The following NALF1 variants were observed in gnomAD, a reference collection of about 807,000 sequenced individuals.
NALF1 encodes NALCN channel auxiliary factor 1.
NALF1 carries 3 observed loss-of-function variants against 48.4 expected under a neutral mutation model. The observed-to-expected ratio is 0.06, with a 90% CI of 0.03 to 0.16. The LOEUF (loss-of-function observed/expected upper bound fraction) is 0.16, where lower values mean the gene tolerates loss of function less well. Ranked by LOEUF, NALF1 falls within the 10% of genes least tolerant of loss-of-function variation. NALF1 has a pLI of 1.00. For synonymous variants in NALF1, 262 were observed against 245.7 expected (o/e 1.07, Z -0.62); for missense variants, 526 against 571.5 (o/e 0.92, Z 0.81).
At chr13:107,828,606 TACACACACACACAC>T (rs60869824) in intron 1 of NALF1, among the ~76,000 whole-genome samples, 150 of 104,004 alleles carry the variant, frequency 1.4e-3, no homozygotes, top group African/African-American at 3.5e-3. Context: ...TCTATATCTA[TACACACACACACAC>T]ACACACACAC....
intron 1 of NALF1, among the ~76,000 whole-genome samples, chr13:107,637,799 G>A (rs1438368909): frequency 1.3e-5 from 2 of 152,130 alleles, no homozygotes; most frequent in East Asian, 3.9e-4. Context: ...AAGAAACTGA[G>A]TAATGATCTA....
intron 1 of NALF1, among the ~76,000 whole-genome samples, chr13:107,802,202 G>T (rs1566487554): frequency 6.6e-6 from 1 of 152,080 alleles, no homozygotes; most frequent in Non-Finnish European, 1.5e-5. Context: ...ATTTCAATTT[G>T]TAAGACTCTC....
At chr13:107,738,126 C>T (rs1456457938) in intron 1 of NALF1, among the ~76,000 whole-genome samples, 1 of 152,204 alleles carries the variant, frequency 6.6e-6, no homozygotes, top group Non-Finnish European at 1.5e-5. Context: ...ACTTATCATC[C>T]GTCTCATTTA....
chr13:107,375,418 A>C (rs1883319228), intron 1 of NALF1, among the ~76,000 whole-genome samples: 1 of 152,200 alleles, frequency 6.6e-6, no homozygotes, highest in Admixed American at 6.5e-5. Context: ...ATTCTACAGA[A>C]ATATTTTTTA....
At chr13:107,547,897 T>C (rs1192877605) in intron 1 of NALF1, among the ~76,000 whole-genome samples, 1 of 152,074 alleles carries the variant, frequency 6.6e-6, no homozygotes, top group East Asian at 1.9e-4. Flanking sequence ...GTAGCACAAG[T>C]AATTAAGGAA....
At chr13:107,356,313 T>A (rs1266290291) in intron 1 of NALF1, among the ~76,000 whole-genome samples, 1 of 152,170 alleles carries the variant, frequency 6.6e-6, no homozygotes, top group African/African-American at 2.4e-5. Context: ...AAAATGTAAA[T>A]CTACAACAAC....
intron 1 of NALF1, among the ~76,000 whole-genome samples, chr13:107,635,704 T>C (rs771819065): frequency 1.3e-5 from 2 of 152,068 alleles, no homozygotes; most frequent in Non-Finnish European, 2.9e-5. Context: ...GTTTGAAAAA[T>C]CAAACATAGC....
intron 1 of NALF1, among the ~76,000 whole-genome samples, chr13:107,350,999 C>A (rs183810167): frequency 6.6e-6 from 1 of 152,192 alleles, no homozygotes; most frequent in Non-Finnish European, 1.5e-5. Context: ...ATTAAGTGAT[C>A]CCATGCTAAA....
chr13:107,704,314 G>C (rs1256037862), intron 1 of NALF1, among the ~76,000 whole-genome samples: 2 of 152,014 alleles, frequency 1.3e-5, no homozygotes, highest in African/African-American at 4.8e-5. Flanking sequence ...TATTCCATCT[G>C]TTTTCTTTTG....
At chr13:107,841,432 T>C (rs1418288277) in intron 1 of NALF1, among the ~76,000 whole-genome samples, 2 of 152,098 alleles carry the variant, frequency 1.3e-5, no homozygotes, top group Non-Finnish European at 2.9e-5. Context: ...TTCAAGGGTA[T>C]TTTGCTTTAA....
At chr13:107,436,861 G>GA (rs1230244712) in intron 1 of NALF1, among the ~76,000 whole-genome samples, 7 of 152,246 alleles carry the variant, frequency 4.6e-5, no homozygotes, top group Admixed American at 3.3e-4. Context: ...AATTAATGCA[G>GA]AATACAAGGC....
chr13:107,515,315 G>C (rs942220), intron 1 of NALF1, among the ~76,000 whole-genome samples: 100,459 of 152,044 alleles, frequency 0.66, 34,950 homozygotes, highest in Middle Eastern at 0.81. Flanking sequence ...TTAAGACCAC[G>C]AGAAATTGTA....
intron 1 of NALF1, among the ~76,000 whole-genome samples, chr13:107,551,425 T>A (rs1877289968): frequency 6.6e-6 from 1 of 152,150 alleles, no homozygotes; most frequent in African/African-American, 2.4e-5. Context: ...ACCCTACCTC[T>A]TCACTGCTCC....
At chr13:107,688,148 A>C (rs1028856425) in intron 1 of NALF1, among the ~76,000 whole-genome samples, 7 of 152,068 alleles carry the variant, frequency 4.6e-5, no homozygotes, top group Non-Finnish European at 1.0e-4. Flanking sequence ...TTCTCTTATC[A>C]TTTTCACTTA....
intron 1 of NALF1, 48 bp downstream of exon 1, chr13:107,865,634 C>A (rs756791331): frequency 1.9e-6 from 3 of 1,573,484 alleles, no homozygotes; most frequent in South Asian, 2.3e-5. Flanking sequence ...CCCAACCAAG[C>A]AGAGATAGGA....
intron 1 of NALF1, among the ~76,000 whole-genome samples, chr13:107,487,668 G>A (rs1885351133): frequency 6.6e-6 from 1 of 152,250 alleles, no homozygotes; most frequent in East Asian, 1.9e-4. Context: ...ATATGCTGCT[G>A]GATTCAGTTT....
intron 1 of NALF1, among the ~76,000 whole-genome samples, chr13:107,729,172 AT>A (rs1245623597): frequency 2.0e-5 from 3 of 152,194 alleles, no homozygotes; most frequent in Admixed American, 2.0e-4. Context: ...ATCTAGGGAT[AT>A]TTTTTATTTA....
chr13:107,615,628 A>G (rs1399346423), intron 1 of NALF1, among the ~76,000 whole-genome samples: 1 of 152,212 alleles, frequency 6.6e-6, no homozygotes, highest in Non-Finnish European at 1.5e-5. Context: ...CAGCTTCATT[A>G]ACATTGTGTA....
chr13:107,426,735 C>T (rs905172624), intron 1 of NALF1, among the ~76,000 whole-genome samples: 10 of 151,956 alleles, frequency 6.6e-5, no homozygotes, highest in African/African-American at 2.4e-4. Context: ...ACAAAATAAG[C>T]ACTATTTTAA....
Sources: gnomAD v4.1 joint callset for allele counts (sites outside exome capture counted in the v4.1 genomes callset) on GRCh38, gnomAD v4.1.1 for gene constraint, MANE v1.5 for transcripts, NCBI Gene and HGNC (gene_info 2026-07-23, HGNC 2026-07-21) for gene names.